CA6: variants seen among roughly 807,000 people sequenced by gnomAD.
CA6 encodes carbonate dehydratase VI.
In CA6, 28 loss-of-function variants were observed where a neutral mutation model predicts 35.9. The observed-to-expected ratio is 0.78, with a 90% CI of 0.58 to 1.07. The LOEUF is 1.07. Among genes scored for constraint, CA6 ranks in the 50% least tolerant of loss-of-function variants. The probability of loss-of-function intolerance (pLI) is 0.00; values close to 1 mark genes in which losing one functional copy is unlikely to be tolerated. For synonymous variants in CA6, 148 were observed against 152.6 expected (o/e 0.97, Z 0.22); for missense variants, 377 against 382.0 (o/e 0.99, Z 0.11).
chr1:8,948,969 CAAAAA>C (rs35309398), intron 1 of CA6, among the ~76,000 whole-genome samples: 4 of 141,040 alleles, frequency 2.8e-5, no homozygotes, highest in Admixed American at 7.2e-5. Context: ...GACCCTGTCT[CAAAAA>C]AAAAAAAAAA....
At chr1:8,966,409 C>T (rs904237851) in intron 5 of CA6, among the ~76,000 whole-genome samples, 3 of 152,056 alleles carry the variant, frequency 2.0e-5, no homozygotes, top group South Asian at 2.1e-4. Context: ...CATACCTGGC[C>T]GTATGTTTAT....
intron 5 of CA6, among the ~76,000 whole-genome samples, chr1:8,966,423 T>C (rs1031450081): frequency 2.0e-5 from 3 of 152,190 alleles, no homozygotes; most frequent in Admixed American, 2.0e-4. Context: ...TGTTTATTTT[T>C]TGAGGAACTA....
chr1:8,966,085 G>A (rs375808583), intron 5 of CA6, among the ~76,000 whole-genome samples: 12 of 152,020 alleles, frequency 7.9e-5, no homozygotes, highest in East Asian at 3.8e-4. Context: ...TAGAATTGCT[G>A]GGTCACATAG....
intron 6 of CA6, 44 bp from the exon 7 acceptor site, chr1:8,970,823 C>A: frequency 1.7e-6 from 2 of 1,187,728 alleles, no homozygotes; most frequent in Non-Finnish European, 2.5e-6. Context: ...TTTTAAATTA[C>A]CCAGTGACTC....
intron 5 of CA6, 39 bp downstream of exon 5, chr1:8,962,695 A>ATGAGCG: frequency 6.4e-7 from 1 of 1,558,336 alleles, no homozygotes; most frequent in African/African-American, 1.4e-5. Flanking sequence ...GGGAAGGGGA[A>ATGAGCG]TGAGTGTGAG....
intron 7 of CA6, among the ~76,000 whole-genome samples, chr1:8,971,808 C>T (rs918914543): frequency 6.6e-6 from 1 of 152,228 alleles, no homozygotes; most frequent in Non-Finnish European, 1.5e-5. Flanking sequence ...GGCCAGCCTC[C>T]GCTGCATCCT....
At chr1:8,957,316 C>G in intron 3 of CA6, 31 bp downstream of exon 3, 1 of 1,573,380 alleles carries the variant, frequency 6.4e-7, no homozygotes, top group African/African-American at 1.4e-5. Flanking sequence ...TGTCCTCTTT[C>G]CTTTGAACCC....
intron 7 of CA6, among the ~76,000 whole-genome samples, chr1:8,971,184 C>T (rs1209410612): frequency 6.6e-6 from 1 of 152,102 alleles, no homozygotes; most frequent in Non-Finnish European, 1.5e-5. Flanking sequence ...GTGAGTAGAA[C>T]ACACGAGACA....
chr1:8,957,085 T>G, intron 2 of CA6, 52 bp from the exon 3 acceptor site: 1 of 1,517,886 alleles, frequency 6.6e-7, no homozygotes, highest in Non-Finnish European at 8.9e-7. Flanking sequence ...CCTGTAGGCC[T>G]GACCCCTCTG....
intron 7 of CA6, 122 bp from the exon 8 acceptor site, chr1:8,974,500 C>G: frequency 1.4e-6 from 2 of 1,463,464 alleles, no homozygotes; most frequent in South Asian, 2.5e-5. Context: ...GGAGAGCATT[C>G]TAAGGAATCA....
At chr1:8,962,976 C>T (rs1456810329) in intron 5 of CA6, among the ~76,000 whole-genome samples, 1 of 152,124 alleles carries the variant, frequency 6.6e-6, no homozygotes, top group Non-Finnish European at 1.5e-5. Context: ...ACAGTCCTGG[C>T]AGCTAGAGAG....
At chr1:8,957,030 G>C in intron 2 of CA6, 107 bp from the exon 3 acceptor site, 1 of 1,011,636 alleles carries the variant, frequency 9.9e-7, no homozygotes. Context: ...GTATTGGCTT[G>C]CCCTGGGCTC....
At chr1:8,951,604 A>G (rs1639537492) in intron 2 of CA6, 1 of 765,076 alleles carries the variant, frequency 1.3e-6, no homozygotes, top group African/African-American at 1.7e-5. Context: ...AGGGCCCAGA[A>G]GAGGGAAGGC....
At chr1:8,950,696 C>A (rs114501751) in intron 2 of CA6, among the ~76,000 whole-genome samples, 4,725 of 151,518 alleles carry the variant, frequency 0.031, 276 homozygotes, top group African/African-American at 0.11. Flanking sequence ...GGTGAGACTT[C>A]ATCTCTACAA....
At chr1:8,964,499 G>T (rs1639921871) in intron 5 of CA6, among the ~76,000 whole-genome samples, 1 of 152,088 alleles carries the variant, frequency 6.6e-6, no homozygotes, top group Non-Finnish European at 1.5e-5. Context: ...ACCCGCCTCG[G>T]CCTCCCAAAG....
rs970626424 is a variant in CA6, at chr1:8,974,821, G to T, written c.*117G>T. ...AAGAAACCATGTGTGTCTGGAACACGCTGCTCCCCCTGGGGCAGCTGTTGG... is the reference window on the plus strand; with the variant it reads ...AAGAAACCATGTGTGTCTGGAACACTCTGCTCCCCCTGGGGCAGCTGTTGG... On this transcript the variant is annotated 3_prime_UTR_variant, in exon 8 of 8. Transcript: ENST00000377443. The T allele has an allele frequency of 5.1e-6, 3 of 588,622 alleles. No individual in the cohort carries two copies. The East Asian group carries it at 9.3e-5, about 18-fold the overall frequency. 36.5% of individuals were successfully genotyped at this position (588,622 alleles called of 1,614,324 possible).
At chr1:8,966,572 A>C (rs771673571) in intron 5 of CA6, among the ~76,000 whole-genome samples, 1 of 152,150 alleles carries the variant, frequency 6.6e-6, no homozygotes, top group Non-Finnish European at 1.5e-5. Context: ...ATAATAATCA[A>C]ACTTAGAACT....
At chr1:8,974,540 T>C in intron 7 of CA6, 82 bp from the exon 8 acceptor site, 2 of 1,396,116 alleles carry the variant, frequency 1.4e-6, no homozygotes, top group East Asian at 2.4e-5. Context: ...GATGCGGGTA[T>C]GGTGTCTGGC....
At position 8,945,875 on chromosome 1, in the gene CA6, A is replaced by G. The variant is rs1288454947; in HGVS notation, c.-12A>G. 1 of 1,597,474 alleles carries G rather than the reference A, an allele frequency of 6.3e-7. No individual in the cohort carries two copies. Among genetic ancestry groups the G allele is most frequent in the Admixed American group, 1.7e-5 (1 of 59,964 alleles). Reference sequence around the variant, plus strand: ...TCGCCGGAATCAGTCTTCATTACAGATGTGCAGCACCATGAGGGCCCTGGT... The same window carrying G: ...TCGCCGGAATCAGTCTTCATTACAGGTGTGCAGCACCATGAGGGCCCTGGT... On this transcript the variant is annotated 5_prime_UTR_variant, in exon 1 of 8. The change abolishes an upstream ATG in the 5' untranslated region. Transcript: ENST00000377443.
Sources: gnomAD v4.1 joint callset for allele counts (sites outside exome capture counted in the v4.1 genomes callset) on GRCh38, gnomAD v4.1.1 for gene constraint, MANE v1.5 for transcripts, NCBI Gene and HGNC (gene_info 2026-07-23, HGNC 2026-07-21) for gene names.